The following TBXAS1 variants were observed in gnomAD, a reference collection of about 807,000 sequenced individuals.
TBXAS1 encodes thromboxane-A synthase.
TBXAS1 carries 48 observed loss-of-function variants against 60.7 expected under a neutral mutation model. The observed-to-expected ratio is 0.79, with a 90% confidence interval of 0.63 to 1.01. The LOEUF is 1.01. Among genes scored for constraint, TBXAS1 ranks in the 50% least tolerant of loss-of-function variants. TBXAS1 has a pLI of 0.00. For missense variants in TBXAS1, 685 were observed against 686.3 expected, an observed-to-expected ratio of 1.00 and a Z score of 0.02; for synonymous variants, 287 against 269.7, an observed-to-expected ratio of 1.06 and a Z score of -0.63.
intron 4 of TBXAS1, among the ~76,000 whole-genome samples, chr7:139,919,894 G>C (rs1806316160): frequency 6.6e-6 from 1 of 152,230 alleles, no homozygotes. Context: ...AGATGGACAA[G>C]TATTGGTGAT....
intron 7 of TBXAS1, among the ~76,000 whole-genome samples, chr7:139,956,376 C>T (rs1371552250): frequency 6.6e-6 from 1 of 152,142 alleles, no homozygotes; most frequent in African/African-American, 2.4e-5. Flanking sequence ...AAACTCCCGA[C>T]CTCAGGTGAT....
chr7:139,834,891 AAAG>A (rs1350422033), intron 1 of TBXAS1, among the ~76,000 whole-genome samples: 3 of 152,256 alleles, frequency 2.0e-5, no homozygotes, highest in Middle Eastern at 3.4e-3. Flanking sequence ...CCAGACATTC[AAAG>A]AAGAATTGGT....
chr7:139,967,820 C>T (rs575537789), intron 9 of TBXAS1, among the ~76,000 whole-genome samples: 1 of 152,250 alleles, frequency 6.6e-6, no homozygotes, highest in South Asian at 2.1e-4. Flanking sequence ...AATCTGTGGC[C>T]CCCAGATTAG....
chr7:139,999,186 T>C lies in TBXAS1; in HGVS notation c.1135-7905T>C, dbSNP rs1360416265. Among the ~76,000 whole-genome samples, 1 of 152,116 alleles carries C rather than the reference T, an allele frequency of 6.6e-6. No individual in the cohort carries two copies. The highest frequency in any genetic ancestry group is 1.9e-4 in the East Asian group (1 of 5,194). ...GAGCTATGGGATCTAGAAGGTGAAA[T>C]GTCAGAGCTCAGAGAACCTCAGCTC... On this transcript the variant is annotated intron_variant, in intron 9 of 12. Transcript: ENST00000448866. This position sits in a 1 kb window ranked among gnomAD's most constrained non-coding sequence, Gnocchi z 4.3.
At chr7:139,980,986 A>AT (rs142885473) in intron 9 of TBXAS1, among the ~76,000 whole-genome samples, 4 of 152,104 alleles carry the variant, frequency 2.6e-5, no homozygotes, top group Non-Finnish European at 5.9e-5. Flanking sequence ...CTGGTAGTAT[A>AT]TTTTTTTCCC....
chr7:140,015,853 C>T lies in TBXAS1; in HGVS notation c.1357C>T (p.Pro453Ser). ...CTGGCCAAGCCCGGAGACCTTCAAC[C>T]CTGAAAGGTGAGTACTGCCCCTTTT... is the stretch of plus-strand genomic sequence containing the variant. Reference protein sequence around the residue: ...EHWPSPETFNPERFTAEARQQ... With the variant: ...EHWPSPETFNSERFTAEARQQ... The change falls in exon 11 of 13, where the codon CCT becomes TCT. Residue 453 changes from proline (P) to serine (S), a missense_variant. Physicochemically the swap from Pro to Ser is moderately conservative, Grantham distance 74 (BLOSUM62 -1). Coordinates refer to ENST00000448866, the MANE Select transcript of TBXAS1 (RefSeq NM_001061.7). 1 of 1,613,870 alleles carries T rather than the reference C, an allele frequency of 6.2e-7. No homozygotes were observed. The highest frequency in any genetic ancestry group is 1.1e-5 in the South Asian group (1 of 91,092).
At chr7:139,857,546 T>C (rs912811402) in intron 1 of TBXAS1, among the ~76,000 whole-genome samples, 1 of 152,164 alleles carries the variant, frequency 6.6e-6, no homozygotes, top group Non-Finnish European at 1.5e-5. Context: ...TTTTATGATG[T>C]ACGTCAGTTG....
chr7:139,947,870 T>A (rs1314640366), intron 5 of TBXAS1, among the ~76,000 whole-genome samples: 3 of 11,770 alleles, frequency 2.5e-4, no homozygotes, highest in Non-Finnish European at 2.7e-4. Flanking sequence ...ACAACAGACT[T>A]TTTTTTTTTT....
intron 8 of TBXAS1, among the ~76,000 whole-genome samples, chr7:139,958,542 G>A (rs1810058002): frequency 6.6e-6 from 1 of 152,194 alleles, no homozygotes; most frequent in Admixed American, 6.5e-5. Flanking sequence ...TTCCTTAGCT[G>A]GCTCGTGCAA....
chr7:139,889,256 C>T (rs189021958), intron 3 of TBXAS1, among the ~76,000 whole-genome samples: 87 of 151,528 alleles, frequency 5.7e-4, no homozygotes, highest in African/African-American at 2.0e-3. Flanking sequence ...ATCGCTTGAG[C>T]CAGGAAGGCA....
At chr7:139,996,381 G>T (rs1380210911) in intron 9 of TBXAS1, among the ~76,000 whole-genome samples, 11 of 151,590 alleles carry the variant, frequency 7.3e-5, no homozygotes, top group Non-Finnish European at 1.5e-4. Flanking sequence ...AAGCATTAAG[G>T]TTCAATGCTT....
chr7:139,950,667 C>T (rs1355435615), intron 5 of TBXAS1, among the ~76,000 whole-genome samples: 8 of 127,300 alleles, frequency 6.3e-5, no homozygotes, highest in South Asian at 4.7e-4. Flanking sequence ...CTCCCTCACC[C>T]TCCATCTACG....
At chr7:139,833,458 G>A (rs1000870119) in intron 1 of TBXAS1, among the ~76,000 whole-genome samples, 1 of 144,346 alleles carries the variant, frequency 6.9e-6, no homozygotes, top group Non-Finnish European at 1.5e-5. Context: ...AAGGTCAGGA[G>A]TTCGTGACCA....
chr7:140,017,356 G>A (rs756900150), intron 11 of TBXAS1, among the ~76,000 whole-genome samples: 2 of 152,244 alleles, frequency 1.3e-5, no homozygotes, highest in African/African-American at 2.4e-5. Context: ...CAGGGATGCC[G>A]TGTTTAGACT....
intron 4 of TBXAS1, among the ~76,000 whole-genome samples, chr7:139,929,091 A>G (rs940507348): frequency 2.0e-5 from 3 of 152,244 alleles, no homozygotes; most frequent in Admixed American, 1.3e-4. Context: ...ATAATGCGAC[A>G]TCATCTCAAC....
rs71170921 is a variant in TBXAS1 at position 139,898,413 on chromosome 7, C to CTTTTTTTTTTT, written c.237-12790_237-12780dup. Among the ~76,000 whole-genome samples, 28 of 82,250 alleles carry CTTTTTTTTTTT rather than the reference C, an allele frequency of 3.4e-4. 2 individuals carry two copies. Among genetic ancestry groups the CTTTTTTTTTTT allele is most frequent in the African/African-American group, 1.3e-3 (27 of 20,490 alleles). 54.0% of individuals were successfully genotyped at this position (82,250 alleles called of 152,430 possible). On this transcript the variant is annotated intron_variant, in intron 3 of 12. Transcript: ENST00000448866. ...ATCAGAAGTTTCCCAACGTGCATGG[C>CTTTTTTTTTTT]TTTTTTTTTTTTTTTTTTTTTTTTT...
rs138180768 is a variant in TBXAS1 at position 139,915,864 on chromosome 7, TCA to T, written c.333+4546_333+4547del. Among the ~76,000 whole-genome samples, 1,342 of 152,342 alleles carry T rather than the reference TCA, an allele frequency of 8.8e-3. 18 individuals are homozygous for T. The highest frequency in any genetic ancestry group is 0.031 in the African/African-American group (1,271 of 41,564). ...AGTTCTTAATGTCATGCTTTCCCAT[TCA>T]CAGTTTTTGGGCCTCTGGAGTCTGT... On this transcript the variant is annotated intron_variant, in intron 4 of 12. Transcript: ENST00000448866.
chr7:139,825,722 A>G (rs1394551400), upstream of TBXAS1, among the ~76,000 whole-genome samples: 3 of 152,202 alleles, frequency 2.0e-5, no homozygotes, highest in African/African-American at 7.2e-5. Flanking sequence ...GGGACAGTGT[A>G]CCGGTCACTT....
intron 4 of TBXAS1, among the ~76,000 whole-genome samples, chr7:139,931,622 C>A (rs936573992): frequency 6.6e-6 from 1 of 152,096 alleles, no homozygotes; most frequent in African/African-American, 2.4e-5. Context: ...GGGAAACTCC[C>A]CTTTATAAAA....
Sources: allele counts gnomAD v4.1 joint callset (sites outside exome capture counted in the v4.1 genomes callset), GRCh38; gene constraint gnomAD v4.1.1; non-coding constraint Gnocchi (gnomAD v3.1); transcripts MANE v1.5; gene names NCBI Gene and HGNC (gene_info 2026-07-23, HGNC 2026-07-21).